The following OR52H1 variants were observed in gnomAD, a reference collection of about 807,000 sequenced individuals.
OR52H1 encodes olfactory receptor family 52 subfamily H member 1, also known as olfactory receptor 52H1.
For missense variants in OR52H1, 383 were observed against 396.4 expected (o/e 0.97, Z 0.29); for synonymous variants, 148 against 138.6 (o/e 1.07, Z -0.48).
Position 5,545,257 on chromosome 11 carries a change from T to G in OR52H1, c.249A>C (p.Ala83=). ...GAGCCCCTAGCCAAAAGATACTGAG[T>G]GCTTTAGGCACACCAGCTGTGGACA... ...LILSTAGVPK[A]LSIFWLGARE... is the part of the protein sequence containing the mutation. The change falls in exon 2 of 2, where the codon GCA becomes GCC. Residue 83 remains alanine, a synonymous_variant. Coordinates refer to ENST00000322653, the MANE Select transcript of OR52H1 (RefSeq NM_001005289.5). The G allele has an allele frequency of 6.2e-7, 1 of 1,613,990 alleles. No individual in the cohort carries two copies. Among genetic ancestry groups the G allele is most frequent in the Non-Finnish European group, 8.5e-7 (1 of 1,179,972 alleles).
In OR52H1 at chr11:5,545,469, G is replaced by C; in HGVS notation, c.37C>G (p.Pro13Ala). 6.2e-7 allele frequency: 1 copy of C among 1,614,124 alleles called. No individual in the cohort carries two copies. Among genetic ancestry groups the C allele is most frequent in the Non-Finnish European group, 8.5e-7 (1 of 1,179,986 alleles). ...CCTGGGATCCCTACCAGAATGAAGG[G>C]TCCTGGATTGTAACTGCTCAGGTTG... ...IFNLSSYNPG[P>A]FILVGIPGLE... The change falls in exon 2 of 2, where the codon CCC becomes GCC. Residue 13 changes from proline to alanine, a missense_variant. By Grantham distance (27) the Pro-to-Ala change is conservative. Coordinates refer to ENST00000322653, the MANE Select transcript of OR52H1 (RefSeq NM_001005289.5).
intron 1 of OR52H1, among the ~76,000 whole-genome samples, chr11:5,546,830 A>G (rs960247846): frequency 2.0e-5 from 3 of 152,256 alleles, no homozygotes; most frequent in African/African-American, 7.2e-5. Flanking sequence ...GGAAAAATCT[A>G]CAACAATCTG....
At chr11:5,545,673 G>A in intron 1 of OR52H1, 138 bp from the exon 2 acceptor site, 1 of 804,196 alleles carries the variant, frequency 1.2e-6, no homozygotes. Flanking sequence ...AATGAACAAA[G>A]GTTAAAATTA....
In OR52H1 at chr11:5,545,115, G is replaced by C. The variant is rs758393202; in HGVS notation, c.391C>G (p.Pro131Ala). The change falls in exon 2 of 2, where the codon CCC becomes GCC. Residue 131 changes from proline to alanine, a missense_variant. Pro to Ala is a conservative substitution (Grantham distance 27). Coordinates refer to ENST00000322653, the MANE Select transcript of OR52H1 (RefSeq NM_001005289.5). ...GTCAAGATGGTGGTATATCTCAAGG[G>C]AGAACAGATAGCTACATAGTGATCA... The part of the protein sequence containing the change: ...AFDHYVAICS[P>A]LRYTTILTPK... 1.9e-6 allele frequency: 3 copies of C among 1,614,004 alleles called. No homozygotes were observed. The highest frequency in any genetic ancestry group is 3.3e-5 in the Admixed American group (2 of 60,006).
chr11:5,544,696 G>A lies in OR52H1; in HGVS notation c.810C>T (p.Val270=). 1 of 1,614,142 alleles carries A rather than the reference G, an allele frequency of 6.2e-7. No individual in the cohort carries two copies. Among genetic ancestry groups the A allele is most frequent in the Non-Finnish European group, 8.5e-7 (1 of 1,180,034 alleles). The change falls in exon 2 of 2, where the codon GTC becomes GTT. Residue 270 remains valine, a synonymous_variant. Transcript: ENST00000322653. ...SILAHRFGHN[V]SRTFHIMFAN... is the part of the protein sequence containing the mutation. ...CAAACATGATGTGGAAGGTGCGAGA[G>A]ACATTGTGTCCAAAGCGATGGGCGA...
Position 5,545,293 on chromosome 11 carries a change from A to G in OR52H1, c.213T>C (p.Thr71=). The G allele has an allele frequency of 6.2e-7, 1 of 1,614,198 alleles. No individual in the cohort carries two copies. Among genetic ancestry groups the G allele is most frequent in the South Asian group, 1.1e-5 (1 of 91,088 alleles). Residue 71 remains threonine, a synonymous_variant, in exon 2 of 2, where the codon ACT becomes ACC. Transcript: ENST00000322653. The part of the protein sequence containing the change: ...MFFFLSMLAM[T]DLILSTAGVP... ...CACCAGCTGTGGACAAGATGAGGTC[A>G]GTCATGGCCAGCATGGAGAGAAAGA... is the stretch of plus-strand genomic sequence containing the variant.
In OR52H1 at chr11:5,545,545, G is replaced by A. The variant is rs1377391650; in HGVS notation, c.-30-10C>T. On this transcript the variant is annotated splice_polypyrimidine_tract_variant and intron_variant, in intron 1 of 1. Coordinates refer to ENST00000322653, the MANE Select transcript of OR52H1 (RefSeq NM_001005289.5). ...GCATAAATCTCAGCCCCTAAAGACA[G>A]AGGGTGATTAAGGATAGAGAAACTT... 1 of 1,596,382 alleles carries A rather than the reference G, an allele frequency of 6.3e-7. No homozygotes were observed. The highest frequency in any genetic ancestry group is 1.1e-5 in the South Asian group (1 of 89,126).
chr11:5,546,438 T>C (rs1846857746), intron 1 of OR52H1, among the ~76,000 whole-genome samples: 1 of 152,210 alleles, frequency 6.6e-6, no homozygotes, highest in Non-Finnish European at 1.5e-5. Flanking sequence ...TTTGCCACCA[T>C]ATATTTACCC....
chr11:5,545,442 G>A lies in OR52H1; in HGVS notation c.64C>T (p.Leu22=). The A allele has an allele frequency of 6.2e-7, 1 of 1,614,164 alleles. No individual in the cohort carries two copies. The highest frequency in any genetic ancestry group is 8.5e-7 in the Non-Finnish European group (1 of 1,180,020). The change falls in exon 2 of 2, where the codon CTG becomes TTG. Residue 22 remains leucine (L), a synonymous_variant. Coordinates refer to ENST00000322653, the MANE Select transcript of OR52H1 (RefSeq NM_001005289.5). The stretch of plus-strand genomic sequence containing the variant: ...CCAATCCACACATGGAATTGCTCCA[G>A]GCCTGGGATCCCTACCAGAATGAAG... ...GPFILVGIPG[L]EQFHVWIGIP...
intron 1 of OR52H1, among the ~76,000 whole-genome samples, chr11:5,545,913 C>A (rs990223630): frequency 6.6e-6 from 1 of 152,058 alleles, no homozygotes; most frequent in East Asian, 1.9e-4. Flanking sequence ...GCTCATATGA[C>A]CTTATGGACA....
At chr11:5,547,659 T>TTTG (rs1846871918) in intron 1 of OR52H1, among the ~76,000 whole-genome samples, 1 of 152,054 alleles carries the variant, frequency 6.6e-6, no homozygotes, top group African/African-American at 2.4e-5. Context: ...AAGAATTTTT[T>TTTG]TTTTGAGACA....
intron 1 of OR52H1, among the ~76,000 whole-genome samples, chr11:5,547,165 A>G (rs978687977): frequency 3.9e-5 from 6 of 152,140 alleles, no homozygotes; most frequent in Non-Finnish European, 7.3e-5. Flanking sequence ...CATGTTGGCC[A>G]GGCTGGTCTC....
intron 1 of OR52H1, among the ~76,000 whole-genome samples, chr11:5,546,181 C>CAAAAAA (rs34696903): frequency 4.9e-4 from 72 of 145,490 alleles, no homozygotes; most frequent in African/African-American, 1.7e-3. Context: ...CCTTTCTCCT[C>CAAAAAA]AAAAAAAAAA....
intron 1 of OR52H1, among the ~76,000 whole-genome samples, chr11:5,547,118 G>A (rs1268487765): frequency 6.6e-6 from 1 of 152,016 alleles, no homozygotes; most frequent in Non-Finnish European, 1.5e-5. Flanking sequence ...ACCACCCCCA[G>A]CTAATTTTTG....
chr11:5,547,019 G>C (rs921097119), intron 1 of OR52H1, among the ~76,000 whole-genome samples: 1 of 152,026 alleles, frequency 6.6e-6, no homozygotes, highest in Non-Finnish European at 1.5e-5. Flanking sequence ...GCTGTGGCAC[G>C]ATCTCGGCTC....
chr11:5,547,178 A>C (rs1846866819), intron 1 of OR52H1, among the ~76,000 whole-genome samples: 1 of 151,558 alleles, frequency 6.6e-6, no homozygotes, highest in African/African-American at 2.4e-5. Flanking sequence ...CTGGTCTCGA[A>C]CTCCTGACCT....
chr11:5,545,921 A>T (rs946180305), intron 1 of OR52H1, among the ~76,000 whole-genome samples: 4 of 152,106 alleles, frequency 2.6e-5, no homozygotes, highest in African/African-American at 9.7e-5. Context: ...GACCTTATGG[A>T]CATCATTGTT....
intron 1 of OR52H1, among the ~76,000 whole-genome samples, chr11:5,546,016 T>A (rs755515556): frequency 6.6e-6 from 1 of 152,206 alleles, no homozygotes; most frequent in African/African-American, 2.4e-5. Flanking sequence ...ACCTGATGAC[T>A]GTGGCTCTTA....
At chr11:5,546,428 T>A (rs185465998) in intron 1 of OR52H1, among the ~76,000 whole-genome samples, 1 of 152,284 alleles carries the variant, frequency 6.6e-6, no homozygotes, top group Admixed American at 6.5e-5. Flanking sequence ...TGTCATATAT[T>A]TTGCCACCAT....
Sources: allele counts gnomAD v4.1 joint callset (sites outside exome capture counted in the v4.1 genomes callset), GRCh38; gene constraint gnomAD v4.1.1; transcripts MANE v1.5; gene names NCBI Gene and HGNC (gene_info 2026-07-23, HGNC 2026-07-21).